Variants in GRM8 observed in about 807,000 individuals in gnomAD.
The protein encoded by GRM8 is metabotropic glutamate receptor 8.
Under a neutral mutation model 87.2 loss-of-function variants are expected in GRM8, and 47 were observed. That is an observed-to-expected ratio of 0.54 (90% CI 0.43 to 0.69). GRM8 has a LOEUF of 0.69. Among genes scored for constraint, GRM8 ranks in the 30% least tolerant of loss-of-function variants. The pLI, the probability that GRM8 is intolerant of heterozygous loss-of-function variation, is 0.00. For missense variants in GRM8, 1,019 were observed against 1,139.2 expected, an observed-to-expected ratio of 0.89 and a Z score of 1.52; for synonymous variants, 396 against 404.5, an observed-to-expected ratio of 0.98 and a Z score of 0.25.
Position 126,881,411 on chromosome 7 carries a change from A to C in GRM8, c.1156+21131T>G, listed in dbSNP as rs183144990. 2.0e-5 allele frequency among the ~76,000 whole-genome samples: 3 copies of C among 152,348 alleles called. No homozygotes were observed. In the East Asian group the frequency reaches 5.8e-4, roughly 29 times the overall value. ...CCAGCGCACAGGACCGAAGTAGGAC[A>C]TGAAGAAGAAATATCCTGACCTCTT... On this transcript the variant is annotated intron_variant, in intron 6 of 10. Coordinates refer to ENST00000339582, the MANE Select transcript of GRM8 (RefSeq NM_000845.3).
At chr7:127,190,314 TTGTTAATA>T (rs1794958357) in intron 2 of GRM8, among the ~76,000 whole-genome samples, 1 of 152,086 alleles carries the variant, frequency 6.6e-6, no homozygotes, top group Non-Finnish European at 1.5e-5. Flanking sequence ...GAACAGAGAA[TTGTTAATA>T]TGTCCTGCCT....
chr7:127,102,890 C>T (rs886363210), intron 3 of GRM8, among the ~76,000 whole-genome samples: 2 of 152,170 alleles, frequency 1.3e-5, no homozygotes, highest in Admixed American at 1.3e-4. Flanking sequence ...AGTAGATCCA[C>T]CAGCAGCTTG....
At chr7:126,772,211 C>T (rs1456838501) in intron 6 of GRM8, among the ~76,000 whole-genome samples, 7 of 152,026 alleles carry the variant, frequency 4.6e-5, no homozygotes, top group Admixed American at 4.6e-4. Flanking sequence ...GGACCTAGGA[C>T]CAAAACCTGA....
intron 3 of GRM8, among the ~76,000 whole-genome samples, chr7:126,969,397 A>T (rs1259792833): frequency 6.6e-6 from 1 of 152,214 alleles, no homozygotes; most frequent in Non-Finnish European, 1.5e-5. Flanking sequence ...AACTAAGTTT[A>T]TGTAATATTC....
intron 2 of GRM8, among the ~76,000 whole-genome samples, chr7:127,203,788 C>T (rs557445639): frequency 4.1e-5 from 6 of 145,128 alleles, no homozygotes; most frequent in African/African-American, 1.5e-4. Flanking sequence ...GGGGGTGAGG[C>T]GGTGGGGGTG....
chr7:126,995,374 G>A (rs1813077353), intron 3 of GRM8, among the ~76,000 whole-genome samples: 1 of 152,176 alleles, frequency 6.6e-6, no homozygotes, highest in African/African-American at 2.4e-5. Flanking sequence ...AGGGACCAGG[G>A]ACCAATCCTG....
chr7:126,629,809 G>A (rs1801075023), intron 7 of GRM8, among the ~76,000 whole-genome samples: 1 of 152,068 alleles, frequency 6.6e-6, no homozygotes, highest in Non-Finnish European at 1.5e-5. Flanking sequence ...TACACTGCAC[G>A]CATAACAATG....
At position 127,252,856 on chromosome 7, in the gene GRM8, G is replaced by GCGCCGCCGCCGC. The variant is rs550378317; in HGVS notation, c.-383_-372dup. The GCGCCGCCGCCGC allele has an allele frequency of 3.7e-5, 8 of 218,032 alleles. 1 individual carries two copies. Among genetic ancestry groups the GCGCCGCCGCCGC allele is most frequent in the African/African-American group, 4.8e-5 (2 of 41,878 alleles). The allele number at this position is 218,032 out of a possible 1,614,324, so 13.5% of individuals were successfully genotyped here. A position where few individuals can be genotyped will look rare whatever the true frequency, so the allele number is the denominator to read the frequency against. On this transcript the variant is annotated 5_prime_UTR_variant, in exon 1 of 11. Transcript: ENST00000339582. This position sits in a 1 kb window ranked among gnomAD's most constrained non-coding sequence, Gnocchi z 4.9. ...GCCGGGGGCCCGCAGCTCCATGTCA[G>GCGCCGCCGCCGC]CGCCGCCGCCGCCGCCGCCGCCGCC... is the stretch of plus-strand genomic sequence containing the variant.
intron 7 of GRM8, among the ~76,000 whole-genome samples, chr7:126,641,646 GT>G (rs1802398787): frequency 6.6e-6 from 1 of 152,082 alleles, no homozygotes; most frequent in African/African-American, 2.4e-5. Flanking sequence ...CAAGTAGGGA[GT>G]TTTACTATTT....
chr7:127,021,675 C>T (rs1175523299), intron 3 of GRM8, among the ~76,000 whole-genome samples: 1 of 152,010 alleles, frequency 6.6e-6, no homozygotes, highest in Non-Finnish European at 1.5e-5. Flanking sequence ...TGTGATGTCA[C>T]TAGAAAAATC....
At chr7:126,693,858 T>C (rs1320783867) in intron 7 of GRM8, among the ~76,000 whole-genome samples, 2 of 152,118 alleles carry the variant, frequency 1.3e-5, no homozygotes, top group Non-Finnish European at 1.5e-5. Context: ...GAAAAATATG[T>C]CTCAAGTTAT....
intron 8 of GRM8, among the ~76,000 whole-genome samples, chr7:126,606,049 G>T (rs1310322629): frequency 6.6e-6 from 1 of 152,248 alleles, no homozygotes; most frequent in East Asian, 1.9e-4. Flanking sequence ...AACTGCCTAG[G>T]TGATGATATC....
chr7:127,156,290 T>C (rs1792725976), intron 2 of GRM8, among the ~76,000 whole-genome samples: 1 of 152,082 alleles, frequency 6.6e-6, no homozygotes, highest in South Asian at 2.1e-4. Flanking sequence ...TCGTAGCAGT[T>C]ATGGGGTATA....
At chr7:127,234,111 A>G (rs978117358) in intron 2 of GRM8, among the ~76,000 whole-genome samples, 5 of 152,210 alleles carry the variant, frequency 3.3e-5, no homozygotes, top group Admixed American at 3.3e-4. Flanking sequence ...ACTGCTGTGG[A>G]ATGTTATTTG....
chr7:126,908,871 G>A (rs1246370639), intron 3 of GRM8, among the ~76,000 whole-genome samples: 1 of 152,162 alleles, frequency 6.6e-6, no homozygotes, highest in Non-Finnish European at 1.5e-5. Context: ...GTTCCACATG[G>A]CATTGTGCTG....
intron 3 of GRM8, among the ~76,000 whole-genome samples, chr7:126,913,695 G>C (rs1445622174): frequency 6.6e-6 from 1 of 152,132 alleles, no homozygotes; most frequent in Admixed American, 6.5e-5. Context: ...TGGTCCTTTA[G>C]TGGTAGTTGA....
At chr7:127,231,340 A>T (rs1248606703) in intron 2 of GRM8, among the ~76,000 whole-genome samples, 1 of 152,204 alleles carries the variant, frequency 6.6e-6, no homozygotes, top group East Asian at 1.9e-4. Flanking sequence ...ACTAGACCAC[A>T]TTAAACTCTG....
At chr7:126,856,079 A>G (rs1797653468) in intron 6 of GRM8, among the ~76,000 whole-genome samples, 1 of 152,104 alleles carries the variant, frequency 6.6e-6, no homozygotes, top group Admixed American at 6.6e-5. Context: ...CTTCTCATAT[A>G]TTACTAAAAA....
intron 8 of GRM8, among the ~76,000 whole-genome samples, chr7:126,598,215 G>T (rs562398167): frequency 3.4e-4 from 18 of 52,952 alleles, no homozygotes; most frequent in African/African-American, 1.5e-3. Flanking sequence ...AATTCTTGTG[G>T]TTTTTTCCTA....
Sources: allele counts gnomAD v4.1 joint callset (sites outside exome capture counted in the v4.1 genomes callset), GRCh38; gene constraint gnomAD v4.1.1; non-coding constraint Gnocchi (gnomAD v3.1); transcripts MANE v1.5; gene names NCBI Gene and HGNC (gene_info 2026-07-23, HGNC 2026-07-21).